The following TRHDE variants were observed in gnomAD, a reference collection of about 807,000 sequenced individuals.
The protein encoded by TRHDE is thyrotropin releasing hormone degrading enzyme, also known as thyrotropin-releasing hormone-degrading ectoenzyme.
TRHDE carries 72 observed loss-of-function variants against 125.7 expected under a neutral mutation model. That is an observed-to-expected ratio of 0.57 (90% confidence interval 0.47 to 0.70). The LOEUF is 0.70. TRHDE is among the 30% of genes least tolerant of loss of function. The pLI, the probability that TRHDE is intolerant of heterozygous loss-of-function variation, is 0.00. For missense variants in TRHDE, 1,110 were observed against 1,327.1 expected, an observed-to-expected ratio of 0.84 and a Z score of 2.54; for synonymous variants, 509 against 509.1, an observed-to-expected ratio of 1.00 and a Z score of 0.00.
intron 9 of TRHDE, among the ~76,000 whole-genome samples, chr12:72,564,653 ATTTTTTTTTTTTTTTTT>A (rs538823843): frequency 3.7e-5 from 2 of 54,276 alleles, no homozygotes; most frequent in South Asian, 1.2e-3. Flanking sequence ...ATGCGTATGA[ATTTTTTTTTTTTTTTTT>A]TTTTTTTTTT....
chr12:72,489,530 A>C (rs1877565059), intron 5 of TRHDE, among the ~76,000 whole-genome samples: 1 of 151,864 alleles, frequency 6.6e-6, no homozygotes, highest in African/African-American at 2.4e-5. Flanking sequence ...AAAACCTTGA[A>C]TAGCCCAGGC....
intron 2 of TRHDE, among the ~76,000 whole-genome samples, chr12:72,138,147 T>C (rs1338100483): frequency 1.3e-5 from 2 of 151,902 alleles, no homozygotes; most frequent in Admixed American, 1.3e-4. Flanking sequence ...GAGACCGAGG[T>C]GGGTGGATCA....
At chr12:72,436,697 G>A (rs1412357890) in intron 3 of TRHDE, among the ~76,000 whole-genome samples, 1 of 151,820 alleles carries the variant, frequency 6.6e-6, no homozygotes, top group African/African-American at 2.4e-5. Context: ...GAACTTTCAA[G>A]ATCATTGACG....
chr12:72,312,460 T>C (rs1222252871), intron 2 of TRHDE, among the ~76,000 whole-genome samples: 1 of 152,194 alleles, frequency 6.6e-6, no homozygotes, highest in Non-Finnish European at 1.5e-5. Flanking sequence ...CTTCTCCAGC[T>C]TGCTATTAAT....
intron 2 of TRHDE, among the ~76,000 whole-genome samples, chr12:72,151,923 T>G (rs1270020742): frequency 6.6e-6 from 1 of 151,646 alleles, no homozygotes; most frequent in Non-Finnish European, 1.5e-5. Context: ...TTTTTTCCAA[T>G]TCTGTGAAGA....
intron 3 of TRHDE, among the ~76,000 whole-genome samples, chr12:72,464,341 A>G (rs1876267435): frequency 6.6e-6 from 1 of 152,208 alleles, no homozygotes; most frequent in Non-Finnish European, 1.5e-5. Flanking sequence ...TATTTCTTAT[A>G]ATTCTGGAGG....
intron 3 of TRHDE, among the ~76,000 whole-genome samples, chr12:72,395,821 T>C (rs1035287558): frequency 1.3e-5 from 2 of 152,226 alleles, no homozygotes; most frequent in Non-Finnish European, 2.9e-5. Context: ...TTAGCTTTAC[T>C]ATTCTCCAAG....
intron 1 of TRHDE, among the ~76,000 whole-genome samples, chr12:72,090,753 A>G (rs1874771469): frequency 6.6e-6 from 1 of 152,238 alleles, no homozygotes; most frequent in Non-Finnish European, 1.5e-5. Flanking sequence ...CAGAAAAGAT[A>G]CAAAGAAAAA....
At chr12:72,500,655 G>C (rs540400392) in intron 6 of TRHDE, among the ~76,000 whole-genome samples, 16 of 152,134 alleles carry the variant, frequency 1.1e-4, no homozygotes, top group Non-Finnish European at 8.8e-5. Context: ...GCCTCCCAAA[G>C]TGCTGGGATT....
In TRHDE at chr12:72,273,174, G is replaced by T. The variant is rs756985913; in HGVS notation, c.531G>T (p.Pro177=). 22 of 1,592,156 alleles carry T rather than the reference G, an allele frequency of 1.4e-5. No homozygotes were observed. Among genetic ancestry groups the T allele is most frequent in the Non-Finnish European group, 1.8e-5 (21 of 1,165,912 alleles). ...AQPPSEEERE[P]WEPWTQLRLS... is the part of the protein sequence containing the mutation. ...CGCCGTCGGAGGAGGAGCGGGAGCC[G>T]TGGGAGCCGTGGACGCAGCTGCGCC... The change falls in exon 1 of 19, where the codon CCG becomes CCT. Residue 177 remains proline (P), a synonymous_variant. Transcript: ENST00000261180. This position sits in a 1 kb window ranked among gnomAD's most constrained non-coding sequence, Gnocchi z 5.3.
chr12:72,249,086 AT>A, intron 2 of TRHDE, among the ~76,000 whole-genome samples: 1 of 152,336 alleles, frequency 6.6e-6, no homozygotes, highest in South Asian at 2.1e-4. Context: ...TGATGTAACT[AT>A]AACACATCTA....
chr12:72,238,151 T>C (rs1196512729), intron 2 of TRHDE, among the ~76,000 whole-genome samples: 3 of 150,706 alleles, frequency 2.0e-5, no homozygotes, highest in Non-Finnish European at 4.4e-5. Context: ...AGAATGTAGG[T>C]GGCCTAGAAT....
In TRHDE at chr12:72,260,816, T is replaced by A. The variant is rs74103689; in HGVS notation, n.280-117179T>A. Among the ~76,000 whole-genome samples, 763 of 152,288 alleles carry A rather than the reference T, an allele frequency of 5.0e-3. 12 individuals carry two copies. Among genetic ancestry groups the A allele is most frequent in the African/African-American group, 0.017 (727 of 41,566 alleles). ...GTATGAAGGACAGTATGTCCCAGAA[T>A]CTTTGCTTACTCTGTGGATACAGAA... On this transcript the variant is annotated intron_variant and non_coding_transcript_variant, in intron 2 of 4. Coordinates refer to the TRHDE transcript ENST00000548156.
chr12:72,112,869 T>TGGCTTTCAA (rs1875352905), intron 2 of TRHDE, among the ~76,000 whole-genome samples: 1 of 152,174 alleles, frequency 6.6e-6, no homozygotes, highest in Non-Finnish European at 1.5e-5. Context: ...TACATTTTGT[T>TGGCTTTCAA]GGCTTTCAAA....
intron 2 of TRHDE, among the ~76,000 whole-genome samples, chr12:72,228,475 T>TC (rs1878181783): frequency 1.3e-5 from 2 of 152,168 alleles, no homozygotes; most frequent in South Asian, 2.1e-4. Flanking sequence ...ACCATTTTTT[T>TC]CCCTCCTAGG....
At chr12:72,198,421 C>T (rs965539111) in intron 2 of TRHDE, among the ~76,000 whole-genome samples, 6 of 152,084 alleles carry the variant, frequency 3.9e-5, no homozygotes, top group Non-Finnish European at 7.4e-5. Context: ...ATATTGTTCA[C>T]TTCTGTAATA....
At chr12:72,622,020 T>G (rs2136079409) in intron 15 of TRHDE, among the ~76,000 whole-genome samples, 1 of 152,254 alleles carries the variant, frequency 6.6e-6, no homozygotes, top group South Asian at 2.1e-4. Flanking sequence ...TTATTTCAAG[T>G]TTTGAAAGCT....
chr12:72,368,547 A>G (rs887037539), intron 2 of TRHDE, among the ~76,000 whole-genome samples: 11 of 152,086 alleles, frequency 7.2e-5, no homozygotes, highest in Non-Finnish European at 8.8e-5. Flanking sequence ...TGTAAATTAG[A>G]TCAAATTTGT....
rs528312755 is a variant in TRHDE, at chr12:72,498,576, C to T, written c.1585-922C>T. On this transcript the variant is annotated intron_variant, in intron 5 of 18. Transcript: ENST00000261180. ...TTGCAATTTCTTTTTTCTTACTCTC[C>T]TCCTTCAATGAAGGCAGGAGGCCAG... Among the ~76,000 whole-genome samples, 23 of 152,242 alleles carry T rather than the reference C, an allele frequency of 1.5e-4. 1 individual carries two copies. In the South Asian group the frequency reaches 4.1e-3, roughly 27 times the overall value.
Sources: gnomAD v4.1 joint callset for allele counts (sites outside exome capture counted in the v4.1 genomes callset) on GRCh38, gnomAD v4.1.1 for gene constraint, Gnocchi (gnomAD v3.1) non-coding constraint, MANE v1.5 for transcripts, NCBI Gene and HGNC (gene_info 2026-07-23, HGNC 2026-07-21) for gene names.